The following HIPK1 variants were observed in gnomAD, a reference collection of about 807,000 sequenced individuals.
HIPK1 encodes the protein homeodomain-interacting protein kinase 1.
In HIPK1, 28 loss-of-function variants were observed where a neutral mutation model predicts 117.1. That is an observed-to-expected ratio of 0.24 (90% CI 0.18 to 0.33). The LOEUF is 0.33. HIPK1 is among the 10% of genes least tolerant of loss of function. HIPK1 has a pLI of 1.00. For missense variants in HIPK1, 1,122 were observed against 1,475.1 expected (o/e 0.76, Z 3.92); for synonymous variants, 605 against 562.5 (o/e 1.08, Z -1.07).
At chr1:113,968,700 AG>A (rs1558148473) in intron 13 of HIPK1, 52 bp downstream of exon 13, 15 of 1,479,078 alleles carry the variant, frequency 1.0e-5, no homozygotes, top group Non-Finnish European at 1.4e-5. Context: ...TGTTGGCCTC[AG>A]GCAAGTGGGC....
intron 4 of HIPK1, 95 bp from the exon 5 acceptor site, chr1:113,955,468 A>G: frequency 2.7e-6 from 2 of 740,402 alleles, no homozygotes; most frequent in Non-Finnish European, 4.7e-6. Flanking sequence ...TGGCAAGGTG[A>G]CCACACTTGT....
In HIPK1 at chr1:113,973,533, G is replaced by GGAAT; in HGVS notation, c.*22_*25dup. 1 of 1,553,478 alleles carries GGAAT rather than the reference G, an allele frequency of 6.4e-7. No individual in the cohort carries two copies. On this transcript the variant is annotated 3_prime_UTR_variant, in exon 16 of 16. Transcript: ENST00000426820. ...TATAGTTGGTGAGCATGAGGGAGGAGGAATCATGGCTACCTTCTCCTGGCC... is the reference window on the plus strand; with the variant it reads ...TATAGTTGGTGAGCATGAGGGAGGAGGAATGAATCATGGCTACCTTCTCCTGGCC...
chr1:113,955,258 A>G (rs1671637414), intron 4 of HIPK1, among the ~76,000 whole-genome samples: 2 of 152,348 alleles, frequency 1.3e-5, no homozygotes, highest in South Asian at 4.1e-4. Flanking sequence ...AACAGTTAGC[A>G]TTTGAGATAT....
intron 4 of HIPK1, among the ~76,000 whole-genome samples, chr1:113,955,155 A>G (rs1671628373): frequency 6.6e-6 from 1 of 152,200 alleles, no homozygotes. Flanking sequence ...TCTTGAAACA[A>G]ATACCTGCTT....
In HIPK1 at chr1:113,954,651, A is replaced by G. The variant is rs1558137512; in HGVS notation, c.1201A>G (p.Ile401Val). 6.2e-7 allele frequency: 1 copy of G among 1,613,802 alleles called. No homozygotes were observed. The highest frequency in any genetic ancestry group is 8.5e-7 in the Non-Finnish European group (1 of 1,179,704). ...LYPGASEYDQIRYISQTQGLP... is the reference protein window; with the variant it reads ...LYPGASEYDQVRYISQTQGLP... ...TTGTTTGATGGTTTTGATGTTTCAG[A>G]TTCGTTATATTTCACAAACACAAGG... Residue 401 changes from isoleucine (I) to valine (V), a missense_variant and splice_region_variant, in exon 4 of 16, where the codon ATT (isoleucine) becomes GTT (valine). Transcript: ENST00000426820.
rs546204926 is a variant in HIPK1 at position 113,954,816 on chromosome 1, A to C, written c.1320+46A>C. On this transcript the variant is annotated intron_variant, in intron 4 of 15. Transcript: ENST00000426820. The stretch of plus-strand genomic sequence containing the variant: ...TTCCGACTCCTGTACTCCACCCCTC[A>C]CTCCCCAATTTTGAATTCAAAGTTT... 1.1e-4 allele frequency: 173 copies of C among 1,508,644 alleles called. 1 individual carries two copies. The South Asian group carries it at 1.4e-3, about 12-fold the overall frequency. The allele number at this position is 1,508,644 out of a possible 1,614,324, so 93.5% of individuals were successfully genotyped here.
At chr1:113,961,048 T>C (rs900697113) in intron 8 of HIPK1, among the ~76,000 whole-genome samples, 8 of 152,198 alleles carry the variant, frequency 5.3e-5, no homozygotes, top group African/African-American at 1.4e-4. Flanking sequence ...TTGCAGACAT[T>C]AGTGAATTGG....
intron 2 of HIPK1, chr1:113,951,328 T>C (rs1471887668): frequency 4.2e-6 from 4 of 952,526 alleles, no homozygotes; most frequent in Non-Finnish European, 5.0e-6. Flanking sequence ...CAGTGTAATA[T>C]ATAATATACT....
chr1:113,949,343 G>A (rs1671195518), intron 2 of HIPK1, among the ~76,000 whole-genome samples: 1 of 152,130 alleles, frequency 6.6e-6, no homozygotes. Flanking sequence ...GCTATTTTTG[G>A]CATTGTCATG....
chr1:113,948,500 G>C (rs932670223), intron 2 of HIPK1, among the ~76,000 whole-genome samples: 1 of 151,552 alleles, frequency 6.6e-6, no homozygotes, highest in Non-Finnish European at 1.5e-5. Context: ...TGATCCTCCT[G>C]CCTTGGCTTC....
intron 10 of HIPK1, among the ~76,000 whole-genome samples, chr1:113,964,275 A>G (rs948628312): frequency 6.6e-6 from 1 of 152,252 alleles, no homozygotes; most frequent in Non-Finnish European, 1.5e-5. Flanking sequence ...GGTTGAAAGT[A>G]TGGCCAACAA....
At chr1:113,944,158 G>GTTTTTTTTTTT (rs1474594102) in intron 2 of HIPK1, among the ~76,000 whole-genome samples, 1 of 84,578 alleles carries the variant, frequency 1.2e-5, no homozygotes, top group African/African-American at 5.7e-5. Context: ...AATAGCCATG[G>GTTTTTTTTTTT]GTTTTTTTTT....
In HIPK1 at chr1:113,967,919, G is replaced by T. The variant is rs1175805267; in HGVS notation, c.2535G>T (p.Lys845Asn). ...QQQSSSLPSK[K>N]NKQSAPVSSK... ...AATCCAGTTCCCTCCCTTCGAAGAA[G>T]AATAAGCAGTCAGCTCCAGTCTCTT... is the stretch of plus-strand genomic sequence containing the variant. Residue 845 changes from lysine (K) to asparagine (N), a missense_variant, in exon 12 of 16, where the codon AAG (lysine) becomes AAT (asparagine). By Grantham distance (94) the Lys-to-Asn change is moderately conservative. Transcript: ENST00000426820. 6.2e-7 allele frequency: 1 copy of T among 1,608,396 alleles called. No homozygotes were observed. Among genetic ancestry groups the T allele is most frequent in the Admixed American group, 1.7e-5 (1 of 57,766 alleles).
At chr1:113,957,049 C>A in intron 6 of HIPK1, 75 bp from the exon 7 acceptor site, 1 of 1,237,946 alleles carries the variant, frequency 8.1e-7, no homozygotes, top group Non-Finnish European at 1.2e-6. Flanking sequence ...AGCTTTGATC[C>A]ATGTTCATCT....
rs1200711517 is a variant in HIPK1, at chr1:113,968,616, T to C, written c.2739T>C (p.Asp913=). ...TCATCACTATCCGAAGTGACACTGA[T>C]GAGGAAGAGGACAACAAATACAAGC... ...VSVITIRSDT[D]EEEDNKYKPS... The change falls in exon 13 of 16, where the codon GAT becomes GAC. Residue 913 remains aspartate, a synonymous_variant. Coordinates refer to ENST00000426820, the MANE Select transcript of HIPK1 (RefSeq NM_198268.3). 1.2e-6 allele frequency: 2 copies of C among 1,613,858 alleles called. No individual in the cohort carries two copies. Among genetic ancestry groups the C allele is most frequent in the African/African-American group, 2.7e-5 (2 of 74,920 alleles).
At chr1:113,968,364 G>C (rs1672593801) in intron 12 of HIPK1, 78 bp from the exon 13 acceptor site, 1 of 1,000,560 alleles carries the variant, frequency 1.0e-6, no homozygotes, top group South Asian at 1.3e-5. Context: ...GAGTAAATTG[G>C]AAAGCAGTCT....
chr1:113,973,152 C>T lies in HIPK1; in HGVS notation c.3273C>T (p.His1091=), dbSNP rs745790908. ...PYTFQHGSPL[H]STGHPHLAPA... is the part of the protein sequence containing the mutation. ...CCTTCCAGCATGGCAGCCCGCTACA[C>T]TCGACAGGGCACCCACACCTTGCCC... Residue 1091 remains histidine (H), a synonymous_variant, in exon 16 of 16, where the codon CAC becomes CAT. Transcript: ENST00000426820. 7 of 1,606,324 alleles carry T rather than the reference C, an allele frequency of 4.4e-6. No homozygotes were observed. Among genetic ancestry groups the T allele is most frequent in the Non-Finnish European group, 6.0e-6 (7 of 1,176,080 alleles).
At chr1:113,944,991 G>A (rs1261082989) in intron 2 of HIPK1, among the ~76,000 whole-genome samples, 9 of 152,026 alleles carry the variant, frequency 5.9e-5, no homozygotes, top group African/African-American at 2.2e-4. Flanking sequence ...GAGACTACGG[G>A]CATGCACCCC....
In HIPK1 at chr1:113,974,139, G is replaced by T. The variant is rs1673017827; in HGVS notation, c.*627G>T. 1 of 152,170 alleles carries T rather than the reference G, an allele frequency of 6.6e-6. No homozygotes were observed. 9.4% of individuals were successfully genotyped at this position (152,170 alleles called of 1,614,324 possible). A position where few individuals can be genotyped will look rare whatever the true frequency, so the allele number is the denominator to read the frequency against. On this transcript the variant is annotated 3_prime_UTR_variant, in exon 16 of 16. Coordinates refer to ENST00000426820, the MANE Select transcript of HIPK1 (RefSeq NM_198268.3). ...GGCAATTGTTATTTTTGCAAAACTG[G>T]TTACGTATTACTCTGTGTTACTATT...
Sources: gnomAD v4.1 joint callset for allele counts (sites outside exome capture counted in the v4.1 genomes callset) on GRCh38, gnomAD v4.1.1 for gene constraint, MANE v1.5 for transcripts, NCBI Gene and HGNC (gene_info 2026-07-23, HGNC 2026-07-21) for gene names.